The following ZCCHC2 variants were observed in gnomAD, a reference collection of about 807,000 sequenced individuals.
ZCCHC2 encodes zinc finger CCHC domain-containing protein 2.
In ZCCHC2, 39 loss-of-function variants were observed where a neutral mutation model predicts 103.6. The observed-to-expected ratio is 0.38, with a 90% CI of 0.29 to 0.49. ZCCHC2 has a LOEUF of 0.49. Ranked by LOEUF, ZCCHC2 falls within the 20% of genes least tolerant of loss-of-function variation. ZCCHC2 has a pLI of 0.96. For synonymous variants in ZCCHC2, 687 were observed against 608.9 expected, an observed-to-expected ratio of 1.13 and a Z score of -1.89; for missense variants, 1,483 against 1,491.0, an observed-to-expected ratio of 0.99 and a Z score of 0.09.
exon 15 of ZCCHC2, chr18:62,585,464 C>G (rs1018855604): frequency 3.3e-5 from 5 of 152,268 alleles, no homozygotes; most frequent in African/African-American, 1.2e-4. Flanking sequence ...TCACCCCCAA[C>G]AACAAGCCCT....
At chr18:62,575,614 T>C in intron 13 of ZCCHC2, 64 bp downstream of exon 13, 3 of 1,530,802 alleles carry the variant, frequency 2.0e-6, no homozygotes, top group Non-Finnish European at 2.7e-6. Context: ...CCTTTCCTTA[T>C]TGATCATGGG....
intron 4 of ZCCHC2, among the ~76,000 whole-genome samples, chr18:62,546,370 C>T (rs183305278): frequency 6.6e-6 from 1 of 152,232 alleles, no homozygotes; most frequent in East Asian, 1.9e-4. Flanking sequence ...CTGCCTCACC[C>T]CACCGCCACA....
chr18:62,532,028 A>G (rs116046406), intron 1 of ZCCHC2, among the ~76,000 whole-genome samples: 1 of 152,110 alleles, frequency 6.6e-6, no homozygotes, highest in Non-Finnish European at 1.5e-5. Context: ...TTGAAGAGAT[A>G]GTAGGGTTGG....
chr18:62,561,246 A>C (rs1432820020), intron 8 of ZCCHC2, among the ~76,000 whole-genome samples: 2 of 152,114 alleles, frequency 1.3e-5, no homozygotes, highest in Admixed American at 6.5e-5. Context: ...TTTTGCCTTC[A>C]TTTTTACAAG....
intron 1 of ZCCHC2, among the ~76,000 whole-genome samples, chr18:62,530,762 G>A (rs549584029): frequency 9.2e-5 from 14 of 152,232 alleles, no homozygotes; most frequent in South Asian, 4.2e-4. Flanking sequence ...TATTTTCCTC[G>A]TATTGGATTT....
intron 8 of ZCCHC2, among the ~76,000 whole-genome samples, chr18:62,560,882 T>C (rs1241522169): frequency 6.6e-6 from 1 of 152,168 alleles, no homozygotes; most frequent in East Asian, 1.9e-4. Flanking sequence ...TTGATAGTTT[T>C]ACAATGAAAG....
Position 62,524,182 on chromosome 18 carries a change from C to G in ZCCHC2, c.758C>G (p.Ser253Cys). The G allele has an allele frequency of 6.5e-7, 1 of 1,548,452 alleles. No homozygotes were observed. The highest frequency in any genetic ancestry group is 8.7e-7 in the Non-Finnish European group (1 of 1,146,302). ...CCCCGGGTCGGCGGCGGGCTTGGCT[C>G]CAGGGCCCAGGAGGAACTGCTGCTG... ...VEPRVGGGLG[S>C]RAQEELLLLF... Residue 253 changes from serine to cysteine, a missense_variant, in exon 1 of 14, where the codon TCC (serine) becomes TGC (cysteine). Coordinates refer to ENST00000269499, the MANE Select transcript of ZCCHC2 (RefSeq NM_017742.6).
chr18:62,536,590 A>G (rs1026380295), intron 1 of ZCCHC2, among the ~76,000 whole-genome samples: 2 of 152,186 alleles, frequency 1.3e-5, no homozygotes, highest in Non-Finnish European at 2.9e-5. Context: ...GAGGGAGTGC[A>G]GGGCAGACAG....
chr18:62,586,127 C>G (rs1917165586), exon 15 of ZCCHC2: 2 of 147,340 alleles, frequency 1.4e-5, no homozygotes, highest in South Asian at 4.3e-4. Flanking sequence ...TACCTGAAAG[C>G]TACGTGAATC....
In ZCCHC2 at chr18:62,564,617, G is replaced by T; in HGVS notation, c.1733G>T (p.Gly578Val). 1 of 1,544,946 alleles carries T rather than the reference G, an allele frequency of 6.5e-7. No individual in the cohort carries two copies. Among genetic ancestry groups the T allele is most frequent in the Non-Finnish European group, 8.7e-7 (1 of 1,143,668 alleles). Reference sequence around the variant, plus strand: ...TTATCTTCAATAAATAAGAAGAAAGGAAAGCCACAAACAGAAAAGTAGGTT... The same window carrying T: ...TTATCTTCAATAAATAAGAAGAAAGTAAAGCCACAAACAGAAAAGTAGGTT... ...RSLSSINKKKGKPQTEKEKIK... is the reference protein window; with the variant it reads ...RSLSSINKKKVKPQTEKEKIK... Residue 578 changes from glycine (G) to valine (V), a missense_variant, in exon 10 of 14, where the codon GGA becomes GTA. By Grantham distance (109) the Gly-to-Val change is moderately radical. This residue lies in a region of ZCCHC2 where 884 missense variants were observed against 907.5 expected (regional missense o/e 0.97). Coordinates refer to ENST00000269499, the MANE Select transcript of ZCCHC2 (RefSeq NM_017742.6).
At chr18:62,583,299 G>A (rs1480716356), downstream of ZCCHC2, among the ~76,000 whole-genome samples, 2 of 151,778 alleles carry the variant, frequency 1.3e-5, no homozygotes, top group South Asian at 2.1e-4. Context: ...TGGAAAGCTT[G>A]CCAGTTAATG....
At position 62,523,381 on chromosome 18, in the gene ZCCHC2, T is replaced by G; in HGVS notation, c.-44T>G. On this transcript the variant is annotated 5_prime_UTR_variant, in exon 1 of 14. Transcript: ENST00000269499. ...GGCCCGTGCTCCACCTCGCGGCCCC[T>G]CCCGCCCGCCCCCGCTCGCATGTCT... The G allele has an allele frequency of 9.7e-4, 178 of 184,432 alleles. No homozygotes were observed. Among genetic ancestry groups the G allele is most frequent in the Non-Finnish European group, 1.1e-3 (165 of 147,772 alleles). 11.4% of individuals were successfully genotyped at this position (184,432 alleles called of 1,614,324 possible).
At position 62,560,835 on chromosome 18, in the gene ZCCHC2, T is replaced by G. The variant is rs116370018; in HGVS notation, c.1550+191T>G. 3.2e-3 allele frequency among the ~76,000 whole-genome samples: 485 copies of G among 152,276 alleles called. 2 individuals carry two copies. The highest frequency in any genetic ancestry group is 0.011 in the African/African-American group (444 of 41,566). ...TGGGTTGTTTTTCTTCTGTGGTTTTTTTTTGTTTTGTTTTGTTTTGTTTTC... is the reference window on the plus strand; with the variant it reads ...TGGGTTGTTTTTCTTCTGTGGTTTTGTTTTGTTTTGTTTTGTTTTGTTTTC... On this transcript the variant is annotated intron_variant, in intron 8 of 13. Transcript: ENST00000269499.
intron 12 of ZCCHC2, among the ~76,000 whole-genome samples, chr18:62,571,656 G>T (rs1916603278): frequency 6.6e-6 from 1 of 152,214 alleles, no homozygotes; most frequent in Non-Finnish European, 1.5e-5. Context: ...TATGCATGAT[G>T]ACAACGTCTG....
chr18:62,556,143 G>T, intron 5 of ZCCHC2, 60 bp from the exon 6 acceptor site: 2 of 1,366,890 alleles, frequency 1.5e-6, no homozygotes, highest in Non-Finnish European at 1.0e-6. Context: ...AATTGAAACT[G>T]AGCTTCTTGT....
chr18:62,531,727 G>A (rs1011652284), intron 1 of ZCCHC2, among the ~76,000 whole-genome samples: 1 of 150,666 alleles, frequency 6.6e-6, no homozygotes, highest in Non-Finnish European at 1.5e-5. Flanking sequence ...CAGAGGGATC[G>A]CTTGAGCCCA....
chr18:62,558,665 T>C (rs1386278539), intron 6 of ZCCHC2, 22 bp from the exon 7 acceptor site: 1 of 1,343,380 alleles, frequency 7.4e-7, no homozygotes, highest in Non-Finnish European at 1.0e-6. Context: ...AAAAAGTTAA[T>C]AGTATTGAAT....
Position 62,575,187 on chromosome 18 carries a change from A to C in ZCCHC2, c.3106A>C (p.Asn1036His). The C allele has an allele frequency of 6.2e-7, 1 of 1,613,990 alleles. No homozygotes were observed. The highest frequency in any genetic ancestry group is 1.1e-5 in the South Asian group (1 of 91,074). ...TCAGCTAAATAGTTACTATTATCCTAATCCAATGCCTGGACCAATGTACCG... is the reference window on the plus strand; with the variant it reads ...TCAGCTAAATAGTTACTATTATCCTCATCCAATGCCTGGACCAATGTACCG... ...NLQLNSYYYP[N>H]PMPGPMYRVP... Residue 1036 changes from asparagine (N) to histidine (H), a missense_variant, in exon 13 of 14, where the codon AAT becomes CAT. By Grantham distance (68) the Asn-to-His change is moderately conservative. Transcript: ENST00000269499.
At chr18:62,535,165 G>A (rs1355458362) in intron 1 of ZCCHC2, among the ~76,000 whole-genome samples, 1 of 152,198 alleles carries the variant, frequency 6.6e-6, no homozygotes, top group Non-Finnish European at 1.5e-5. Context: ...GGCTGGGGAG[G>A]AGATGTGCGC....
Sources: gnomAD v4.1 joint callset for allele counts (sites outside exome capture counted in the v4.1 genomes callset) on GRCh38, gnomAD v4.1.1 for gene constraint, gnomAD v4.1.1 regional missense constraint, MANE v1.5 for transcripts, NCBI Gene and HGNC (gene_info 2026-07-23, HGNC 2026-07-21) for gene names.